SCART1: variants seen among roughly 807,000 people sequenced by gnomAD.
SCART1 encodes scavenger receptor family member expressed on T cells 1.
Under a neutral mutation model 36.2 loss-of-function variants are expected in SCART1, and 62 were observed. The observed-to-expected ratio is 1.71, with a 90% CI of 1.40 to 2.12. SCART1 has a LOEUF of 2.12. SCART1 is among the 30% of genes most tolerant of loss of function. SCART1 has a pLI of 0.00. For synonymous variants in SCART1, 487 were observed against 238.7 expected, an observed-to-expected ratio of 2.04 and a Z score of -9.59; for missense variants, 1,041 against 540.5, an observed-to-expected ratio of 1.93 and a Z score of -9.18.
At chr10:133,456,620 A>T in intron 2 of SCART1, 66 bp downstream of exon 2, 2 of 604,328 alleles carry the variant, frequency 3.3e-6, no homozygotes, top group Non-Finnish European at 6.0e-6. Flanking sequence ...GAGGAGGAGG[A>T]CTGGGAGGAC....
At chr10:133,464,627 G>A (rs998101509) in exon 7 of SCART1, 16 of 658,716 alleles carry the variant, frequency 2.4e-5, no homozygotes, top group Middle Eastern at 2.4e-4. Context: ...CTGAGGCTGC[G>A]AGGTGGGACC....
intron 6 of SCART1, among the ~76,000 whole-genome samples, chr10:133,463,223 C>T (rs1311417856): frequency 1.3e-5 from 2 of 152,150 alleles, no homozygotes; most frequent in Admixed American, 6.5e-5. Flanking sequence ...CACACACACA[C>T]ACAGACACAC....
intron 2 of SCART1, among the ~76,000 whole-genome samples, chr10:133,456,836 G>A (rs889647573): frequency 2.6e-4 from 39 of 152,212 alleles, no homozygotes; most frequent in Admixed American, 2.4e-3. Flanking sequence ...CAGCAGCCGA[G>A]CGGGGGCGGG....
chr10:133,457,479 T>C lies in SCART1; in HGVS notation c.586T>C (p.Cys196Arg), dbSNP rs1175536038. ...GGGCGTCGTCAGGAAGTACCTGGCC[T>C]GCAGGGGTACCGAGCCCACCATCCG... The change falls in exon 3 of 12, where the codon TGC becomes CGC. Residue 196 changes from cysteine (C) to arginine (R), a missense_variant. Physicochemically the swap from Cys to Arg is radical, Grantham distance 180 (BLOSUM62 -3). Transcript: ENST00000640237. 4.3e-6 allele frequency: 3 copies of C among 702,728 alleles called. No individual in the cohort carries two copies. The South Asian group carries it at 4.4e-5, about 10-fold the overall frequency. 43.5% of individuals were successfully genotyped at this position (702,728 alleles called of 1,614,324 possible).
intron 6 of SCART1, among the ~76,000 whole-genome samples, chr10:133,460,811 T>C (rs1486904322): frequency 1.3e-5 from 2 of 151,902 alleles, no homozygotes; most frequent in East Asian, 3.9e-4. Context: ...CAATCTTGAC[T>C]CAGTGCAACC....
chr10:133,466,892 G>A (rs145574675), intron 10 of SCART1: 26 of 281,362 alleles, frequency 9.2e-5, no homozygotes, highest in African/African-American at 5.7e-4. Context: ...TTATTGGCCA[G>A]AGAGAGTGGC....
At position 133,459,078 on chromosome 10, in the gene SCART1, A is replaced by AG; in HGVS notation, c.1041dup (p.Ser348ValfsTer46). 1 of 702,060 alleles carries AG rather than the reference A, an allele frequency of 1.4e-6. No individual in the cohort carries two copies. The highest frequency in any genetic ancestry group is 2.6e-6 in the Non-Finnish European group (1 of 384,468). 43.5% of individuals were successfully genotyped at this position (702,060 alleles called of 1,614,324 possible). A position where few individuals can be genotyped will look rare whatever the true frequency, so the allele number is the denominator to read the frequency against. On this transcript the variant is annotated frameshift_variant, in exon 5 of 12. Coordinates refer to ENST00000640237, the Ensembl canonical transcript of SCART1. LOFTEE classifies it high-confidence loss of function. ...GAGGGCCGCGTGGAGTTCCAGGTGC[A>AG]GGGGTCCTGGGCACCCCTCTGTGCC...
exon 8 of SCART1, chr10:133,465,138 G>A: frequency 2.8e-6 from 2 of 703,042 alleles, no homozygotes; most frequent in Non-Finnish European, 5.2e-6. Context: ...GGCTGCTGGG[G>A]AGCCCCTCAA....
exon 4 of SCART1, chr10:133,458,572 G>A: frequency 1.5e-6 from 1 of 687,128 alleles, no homozygotes; most frequent in Non-Finnish European, 2.6e-6. Flanking sequence ...CCGCTGTGCG[G>A]GCAACGAGTC....
exon 3 of SCART1, chr10:133,457,456 G>T (rs749236927): frequency 1.4e-6 from 1 of 702,518 alleles, no homozygotes; most frequent in Non-Finnish European, 2.6e-6. Flanking sequence ...CGGGACGTGG[G>T]CGTCGTCAGG....
chr10:133,454,423 G>T (rs1190111810), intron 1 of SCART1, among the ~76,000 whole-genome samples: 1 of 152,202 alleles, frequency 6.6e-6, no homozygotes, highest in Non-Finnish European at 1.5e-5. Flanking sequence ...CAGGGCTGAG[G>T]TCCTGGGAAG....
At chr10:133,458,272 G>A (rs1171188639) in intron 3 of SCART1, 88 bp from the exon 4 acceptor site, 1 of 701,684 alleles carries the variant, frequency 1.4e-6, no homozygotes, top group Admixed American at 2.0e-5. Flanking sequence ...GATGGCTCCT[G>A]GCTGAAGCCT....
chr10:133,469,352 A>G (rs1224999637), downstream of SCART1, among the ~76,000 whole-genome samples: 1 of 152,190 alleles, frequency 6.6e-6, no homozygotes, highest in Non-Finnish European at 1.5e-5. Context: ...CTGATGACCT[A>G]TCAATGATAG....
intron 1 of SCART1, among the ~76,000 whole-genome samples, chr10:133,454,927 G>A (rs906261478): frequency 1.3e-5 from 2 of 152,106 alleles, no homozygotes; most frequent in South Asian, 2.1e-4. Flanking sequence ...CACAAGGGCC[G>A]GAATTCTCTA....
chr10:133,461,883 C>T (rs1267636341), intron 6 of SCART1, among the ~76,000 whole-genome samples: 1 of 152,238 alleles, frequency 6.6e-6, no homozygotes, highest in Non-Finnish European at 1.5e-5. Flanking sequence ...GCAGCATTTT[C>T]CTCCGGTGGC....
chr10:133,455,140 G>A (rs562594347), intron 1 of SCART1, among the ~76,000 whole-genome samples: 3 of 152,110 alleles, frequency 2.0e-5, no homozygotes, highest in African/African-American at 4.8e-5. Context: ...GGTAGTGGGC[G>A]CCTATAATTC....
chr10:133,455,993 A>T (rs1850604581), intron 1 of SCART1, among the ~76,000 whole-genome samples: 1 of 151,792 alleles, frequency 6.6e-6, no homozygotes, highest in Non-Finnish European at 1.5e-5. Context: ...TGCCTGGGGG[A>T]TGGGGTCCTC....
exon 5 of SCART1, chr10:133,459,170 G>A (rs867766203): frequency 1.0e-5 from 7 of 702,786 alleles, no homozygotes; most frequent in African/African-American, 3.5e-5. Context: ...CGCGGTGGCC[G>A]CACCTGGAGG....
intron 4 of SCART1, 56 bp downstream of exon 4, chr10:133,458,712 T>G: frequency 1.4e-6 from 1 of 694,720 alleles, no homozygotes; most frequent in South Asian, 1.5e-5. Flanking sequence ...CTCTGTCAAA[T>G]CCCTTCGTGC....
Sources: allele counts gnomAD v4.1 joint callset (sites outside exome capture counted in the v4.1 genomes callset), GRCh38; gene constraint gnomAD v4.1.1; transcripts MANE v1.5; gene names NCBI Gene and HGNC (gene_info 2026-07-23, HGNC 2026-07-21).